The following PRAG1 variants were observed in gnomAD, a reference collection of about 807,000 sequenced individuals.
PRAG1 encodes the protein PEAK1 related, kinase-activating pseudokinase 1.
A neutral mutation model predicts 95.6 loss-of-function variants in PRAG1; 110 were observed. The observed-to-expected ratio is 1.15, with a 90% CI of 0.99 to 1.35. PRAG1 has a LOEUF of 1.35. PRAG1 is among the 40% of genes most tolerant of loss of function. The pLI, the probability that PRAG1 is intolerant of heterozygous loss-of-function variation, is 0.00. For missense variants in PRAG1, 2,554 were observed against 1,864.7 expected, an observed-to-expected ratio of 1.37 and a Z score of -6.81; for synonymous variants, 1,052 against 819.4, an observed-to-expected ratio of 1.28 and a Z score of -4.85.
chr8:8,345,197 G>A (rs1282206482), intron 3 of PRAG1, among the ~76,000 whole-genome samples: 1 of 151,456 alleles, frequency 6.6e-6, no homozygotes, highest in African/African-American at 2.4e-5. Context: ...CTTCTTTATT[G>A]GAAAAGCTTG....
At chr8:8,368,120 T>C (rs1443566264) in intron 3 of PRAG1, among the ~76,000 whole-genome samples, 1 of 152,188 alleles carries the variant, frequency 6.6e-6, no homozygotes, top group Non-Finnish European at 1.5e-5. Context: ...TGGTATGAAA[T>C]GGCTAAAAAC....
chr8:8,369,339 T>A (rs138373827), intron 3 of PRAG1, among the ~76,000 whole-genome samples: 1 of 152,172 alleles, frequency 6.6e-6, no homozygotes, highest in Non-Finnish European at 1.5e-5. Context: ...TCGGAGGAGA[T>A]GCAAACGTGG....
intron 4 of PRAG1, among the ~76,000 whole-genome samples, chr8:8,338,206 T>A (rs907546922): frequency 6.6e-6 from 1 of 152,228 alleles, no homozygotes. Context: ...CATCCACCCA[T>A]GTACCATGTG....
intron 4 of PRAG1, among the ~76,000 whole-genome samples, chr8:8,336,113 G>T (rs781100325): frequency 1.3e-5 from 2 of 152,144 alleles, no homozygotes; most frequent in African/African-American, 2.4e-5. Flanking sequence ...TATATGAACT[G>T]TATTTTCAGA....
rs188638111 is a variant in PRAG1 at position 8,320,652 on chromosome 8, G to A, written c.3073-1350C>T. Among the ~76,000 whole-genome samples the A allele has an allele frequency of 1.1e-3, 165 of 152,332 alleles. 1 individual carries two copies. The highest frequency in any genetic ancestry group is 1.7e-3 in the Non-Finnish European group (115 of 68,034). ...TAATGTAGAAAGACAAAGATCAGAT[G>A]TGAGAAGAAAGGCATCTCACATCTA... is the stretch of plus-strand genomic sequence containing the variant. On this transcript the variant is annotated intron_variant, in intron 5 of 5. Transcript: ENST00000615670.
chr8:8,376,658 C>G lies in PRAG1; in HGVS notation c.1751G>C (p.Gly584Ala), dbSNP rs1800409001. 9 of 1,610,022 alleles carry G rather than the reference C, an allele frequency of 5.6e-6. No homozygotes were observed. In the South Asian group the frequency reaches 9.9e-5, roughly 18 times the overall value. Residue 584 changes from glycine to alanine, a missense_variant, in exon 3 of 6, where the codon GGG becomes GCG. Transcript: ENST00000615670. ...AGGACCTTGGGATGGAGGCTGGGGC[C>G]CAATGCTGCTGCCGCCAGAGCTCCC... Reference protein sequence around the residue: ...SDGSSGGSSIGPQPPSQGPAD... With the variant: ...SDGSSGGSSIAPQPPSQGPAD...
At chr8:8,381,341 C>G in intron 2 of PRAG1, 77 bp downstream of exon 2, 1 of 1,454,544 alleles carries the variant, frequency 6.9e-7, no homozygotes. Context: ...ACAGCCCTCC[C>G]TGGCTGCCAG....
chr8:8,318,335 AGC>A lies in PRAG1; in HGVS notation c.4038_4039del (p.Leu1347ValfsTer100), dbSNP rs1329410016. 1 of 1,614,106 alleles carries A rather than the reference AGC, an allele frequency of 6.2e-7. No homozygotes were observed. Among genetic ancestry groups the A allele is most frequent in the Non-Finnish European group, 8.5e-7 (1 of 1,179,950 alleles). On this transcript the variant is annotated frameshift_variant, in exon 6 of 6. Coordinates refer to ENST00000615670, the MANE Select transcript of PRAG1 (RefSeq NM_001080826.3). LOFTEE classifies it high-confidence loss of function. The surrounding 1 kb of genome is among the most constrained non-coding windows in gnomAD (Gnocchi z 4.2). ...GATCCAGTTGTGCAGCGTGCCGCAC[AGC>A]GCCTCCTCCGAGGTGCCCGGCTGCT...
At chr8:8,325,490 G>C (rs538014393) in intron 5 of PRAG1, among the ~76,000 whole-genome samples, 6 of 152,102 alleles carry the variant, frequency 3.9e-5, no homozygotes, top group African/African-American at 1.4e-4. Flanking sequence ...AGCAACACTT[G>C]TTTTTAACAT....
chr8:8,318,551 G>T lies in PRAG1; in HGVS notation c.3824C>A (p.Ala1275Asp). The change falls in exon 6 of 6, where the codon GCC (alanine) becomes GAC (aspartate). Residue 1275 changes from alanine (A) to aspartate (D), a missense_variant. Transcript: ENST00000615670. The surrounding 1 kb of genome is among the most constrained non-coding windows in gnomAD (Gnocchi z 4.2). ...LHQPNPFEVR[A>D]QLRERDYRQE... ...CCGGTAGTCTCTCTCCCGCAGCTGGGCGCGCACCTCGAACGGGTTGGGTTG... is the reference window on the plus strand; with the variant it reads ...CCGGTAGTCTCTCTCCCGCAGCTGGTCGCGCACCTCGAACGGGTTGGGTTG... 1.2e-6 allele frequency: 2 copies of T among 1,613,648 alleles called. No homozygotes were observed. The highest frequency in any genetic ancestry group is 1.1e-5 in the South Asian group (1 of 91,082).
chr8:8,376,808 C>A lies in PRAG1; in HGVS notation c.1601G>T (p.Ser534Ile). ...SSRESHAHSA[S>I]ESKPKERPAI... Reference sequence around the variant, plus strand: ...GGGCCTCTCCTTGGGCTTGCTCTCGCTGGCACTGTGAGCATGGCTTTCCCT... The same window carrying A: ...GGGCCTCTCCTTGGGCTTGCTCTCGATGGCACTGTGAGCATGGCTTTCCCT... The change falls in exon 3 of 6, where the codon AGC (serine) becomes ATC (isoleucine). Residue 534 changes from serine (S) to isoleucine (I), a missense_variant. By Grantham distance (142) the Ser-to-Ile change is moderately radical. Transcript: ENST00000615670. The A allele has an allele frequency of 1.2e-6, 2 of 1,611,908 alleles. No individual in the cohort carries two copies. The highest frequency in any genetic ancestry group is 1.7e-6 in the Non-Finnish European group (2 of 1,179,800).
At chr8:8,331,809 T>C (rs1454024520) in intron 4 of PRAG1, among the ~76,000 whole-genome samples, 1 of 152,084 alleles carries the variant, frequency 6.6e-6, no homozygotes, top group Non-Finnish European at 1.5e-5. Flanking sequence ...TGCTTTCCTG[T>C]AGGAGCTGTT....
At chr8:8,373,470 G>C (rs1419586590) in intron 3 of PRAG1, among the ~76,000 whole-genome samples, 1 of 98,916 alleles carries the variant, frequency 1.0e-5, no homozygotes, top group African/African-American at 5.2e-5. Flanking sequence ...TTTTTTTTGA[G>C]ACAGGGTCTT....
chr8:8,371,363 T>C (rs2976967), intron 3 of PRAG1, among the ~76,000 whole-genome samples: 35,369 of 151,334 alleles, frequency 0.23, 5,578 homozygotes, highest in African/African-American at 0.45. Context: ...CGGGTTCACG[T>C]CATTCTCCTG....
At chr8:8,337,043 C>G (rs775109966) in intron 4 of PRAG1, among the ~76,000 whole-genome samples, 48 of 152,126 alleles carry the variant, frequency 3.2e-4, no homozygotes, top group Non-Finnish European at 5.6e-4. Flanking sequence ...TTCATTCAGG[C>G]CAGCCTATAC....
At position 8,318,869 on chromosome 8, in the gene PRAG1, G is replaced by A; in HGVS notation, c.3506C>T (p.Ala1169Val). 6 of 398,596 alleles carry A rather than the reference G, an allele frequency of 1.5e-5. No homozygotes were observed. The highest frequency in any genetic ancestry group is 1.9e-5 in the Non-Finnish European group (6 of 319,382). The allele number at this position is 398,596 out of a possible 1,614,324, so 24.7% of individuals were successfully genotyped here. Reference protein sequence around the residue: ...QAGPGPAPAPAPAPAPAAAAP... With the variant: ...QAGPGPAPAPVPAPAPAAAAP... ...GGCGGCGGCGGGGGCGGGAGCCGGG[G>A]CGGGGGCGGGGGCGGGCCCGGGGCC... Residue 1169 changes from alanine (A) to valine (V), a missense_variant, in exon 6 of 6, where the codon GCC becomes GTC. Physicochemically the swap from Ala to Val is moderately conservative, Grantham distance 64. Coordinates refer to ENST00000615670, the MANE Select transcript of PRAG1 (RefSeq NM_001080826.3). The surrounding 1 kb of genome is among the most constrained non-coding windows in gnomAD (Gnocchi z 4.2).
intron 3 of PRAG1, among the ~76,000 whole-genome samples, chr8:8,344,950 G>A (rs1235666896): frequency 6.6e-6 from 1 of 151,962 alleles, no homozygotes; most frequent in Non-Finnish European, 1.5e-5. Context: ...TCTGTCTATA[G>A]TTACTATAGC....
intron 3 of PRAG1, among the ~76,000 whole-genome samples, chr8:8,360,947 A>G (rs958646544): frequency 1.3e-5 from 2 of 152,202 alleles, no homozygotes; most frequent in Non-Finnish European, 2.9e-5. Context: ...GGATGTTCAC[A>G]TTCCCAAATT....
chr8:8,350,353 T>A (rs1799482071), intron 3 of PRAG1, among the ~76,000 whole-genome samples: 1 of 152,198 alleles, frequency 6.6e-6, no homozygotes, highest in Admixed American at 6.5e-5. Flanking sequence ...CCCTGTACAC[T>A]ACACTTTCAT....
Sources: gnomAD v4.1 joint callset for allele counts (sites outside exome capture counted in the v4.1 genomes callset) on GRCh38, gnomAD v4.1.1 for gene constraint, Gnocchi (gnomAD v3.1) non-coding constraint, MANE v1.5 for transcripts, NCBI Gene and HGNC (gene_info 2026-07-23, HGNC 2026-07-21) for gene names.